The following LRRC3B variants were observed in gnomAD, a reference collection of about 807,000 sequenced individuals.
LRRC3B encodes the protein leucine rich repeat containing 3B, also known as leucine-rich repeat-containing protein 3B.
A neutral mutation model predicts 12.8 loss-of-function variants in LRRC3B; 2 were observed. That is an observed-to-expected ratio of 0.16 (90% CI 0.06 to 0.49). The LOEUF (loss-of-function observed/expected upper bound fraction) is 0.49. Ranked by LOEUF, LRRC3B falls within the 20% of genes least tolerant of loss-of-function variation. LRRC3B has a pLI of 0.96. For missense variants in LRRC3B, 189 were observed against 319.4 expected (o/e 0.59, Z 3.11); for synonymous variants, 132 against 122.0 (o/e 1.08, Z -0.54).
At chr3:26,707,394 TA>T (rs1233549227) in intron 1 of LRRC3B, among the ~76,000 whole-genome samples, 1 of 151,942 alleles carries the variant, frequency 6.6e-6, no homozygotes, top group Admixed American at 6.6e-5. Context: ...AATAAATAAA[TA>T]AAGCTGATAT....
At chr3:26,664,846 C>A (rs964590845) in intron 1 of LRRC3B, among the ~76,000 whole-genome samples, 5 of 151,828 alleles carry the variant, frequency 3.3e-5, no homozygotes, top group African/African-American at 1.2e-4. Flanking sequence ...TGACTCCCCA[C>A]GTGTCAGTGG....
At chr3:26,670,297 A>C (rs1158612616) in intron 1 of LRRC3B, among the ~76,000 whole-genome samples, 4 of 152,242 alleles carry the variant, frequency 2.6e-5, no homozygotes, top group Admixed American at 6.5e-5. Flanking sequence ...CAGACACATT[A>C]GTAGTATGTT....
chr3:26,623,773 T>G (rs1414329867), intron 1 of LRRC3B: 1 of 152,272 alleles, frequency 6.6e-6, no homozygotes, highest in East Asian at 1.9e-4. Context: ...TGGGAGTCAG[T>G]CCATCCTTGC....
chr3:26,705,485 G>A (rs1700564696), intron 1 of LRRC3B, among the ~76,000 whole-genome samples: 1 of 151,942 alleles, frequency 6.6e-6, no homozygotes, highest in African/African-American at 2.4e-5. Context: ...TCCCTTTAAT[G>A]GGTCTTATTC....
chr3:26,622,804 C>G (rs199830288), upstream of LRRC3B: 2 of 152,488 alleles, frequency 1.3e-5, no homozygotes, highest in East Asian at 3.9e-4. Flanking sequence ...CGATTTCCCT[C>G]TATTGACTGA....
intron 1 of LRRC3B, among the ~76,000 whole-genome samples, chr3:26,644,931 A>AATATACAC (rs1699110837): frequency 6.6e-6 from 1 of 152,194 alleles, no homozygotes; most frequent in South Asian, 2.1e-4. Context: ...GTAATATACA[A>AATATACAC]ATATACACAT....
At chr3:26,672,453 G>C (rs1699768036) in intron 1 of LRRC3B, among the ~76,000 whole-genome samples, 1 of 152,126 alleles carries the variant, frequency 6.6e-6, no homozygotes, top group African/African-American at 2.4e-5. Flanking sequence ...TCCAAAACAA[G>C]TGGCCCTTCA....
At chr3:26,689,873 C>G (rs1700155820) in intron 1 of LRRC3B, among the ~76,000 whole-genome samples, 1 of 152,216 alleles carries the variant, frequency 6.6e-6, no homozygotes, top group South Asian at 2.1e-4. Context: ...TCTTGCTCTG[C>G]TCTGTCCAGT....
chr3:26,674,035 T>A (rs1699807248), intron 1 of LRRC3B, among the ~76,000 whole-genome samples: 1 of 152,204 alleles, frequency 6.6e-6, no homozygotes, highest in Non-Finnish European at 1.5e-5. Context: ...TTGAACTAAG[T>A]CAACTTTGTG....
chr3:26,675,353 T>A (rs1575150697), intron 1 of LRRC3B, among the ~76,000 whole-genome samples: 1 of 152,208 alleles, frequency 6.6e-6, no homozygotes, highest in African/African-American at 2.4e-5. Flanking sequence ...GAGCTCTAGG[T>A]GCCACATGCC....
intron 1 of LRRC3B, among the ~76,000 whole-genome samples, chr3:26,677,561 G>C (rs958160042): frequency 6.6e-6 from 1 of 152,244 alleles, no homozygotes; most frequent in African/African-American, 2.4e-5. Context: ...CAGTGGGCCA[G>C]CTTGTTGGCG....
At chr3:26,634,249 T>C (rs570505592) in intron 1 of LRRC3B, among the ~76,000 whole-genome samples, 29 of 152,222 alleles carry the variant, frequency 1.9e-4, no homozygotes, top group Admixed American at 1.9e-3. Context: ...TTTTGGATGA[T>C]GGAGATGAAA....
chr3:26,667,716 A>G (rs1366748949), intron 1 of LRRC3B, among the ~76,000 whole-genome samples: 1 of 152,152 alleles, frequency 6.6e-6, no homozygotes, highest in Non-Finnish European at 1.5e-5. Flanking sequence ...TGGACAAAAC[A>G]TGGTCACATG....
chr3:26,673,009 C>T (rs1394409731), intron 1 of LRRC3B, among the ~76,000 whole-genome samples: 1 of 152,132 alleles, frequency 6.6e-6, no homozygotes, highest in Admixed American at 6.5e-5. Flanking sequence ...AATTTTACTC[C>T]ACTAGTCCAG....
intron 1 of LRRC3B, among the ~76,000 whole-genome samples, chr3:26,671,369 TATATAGAGAG>T (rs1408482241): frequency 1.7e-3 from 64 of 38,194 alleles, no homozygotes; most frequent in South Asian, 5.5e-3. Flanking sequence ...TATATATATA[TATATAGAGAG>T]AGAGAGAGAG....
intron 1 of LRRC3B, among the ~76,000 whole-genome samples, chr3:26,668,347 C>T (rs146666631): frequency 9.0e-4 from 137 of 152,112 alleles, no homozygotes; most frequent in African/African-American, 3.1e-3. Context: ...CTTAGTGGTG[C>T]AGGATCAGAA....
At position 26,630,576 on chromosome 3, in the gene LRRC3B, G is replaced by C. The variant is rs182054277; in HGVS notation, c.-161+7339G>C. 8.9e-4 allele frequency among the ~76,000 whole-genome samples: 136 copies of C among 152,296 alleles called. 1 individual carries two copies. The highest frequency in any genetic ancestry group is 3.1e-4 in the Non-Finnish European group (21 of 68,036). ...ATGCTACTATGAGATAACTGTGGCA[G>C]CTGTATTGTGATATGAAAATATTTA... is the stretch of plus-strand genomic sequence containing the variant. On this transcript the variant is annotated intron_variant, in intron 1 of 1. Coordinates refer to ENST00000396641, the Ensembl canonical transcript of LRRC3B.
At chr3:26,668,311 G>A (rs916801880) in intron 1 of LRRC3B, among the ~76,000 whole-genome samples, 2 of 152,128 alleles carry the variant, frequency 1.3e-5, no homozygotes, top group African/African-American at 4.8e-5. Context: ...TTACTTAAGG[G>A]AGTGATTGAT....
At chr3:26,676,804 C>A (rs1235373117) in intron 1 of LRRC3B, among the ~76,000 whole-genome samples, 1 of 152,158 alleles carries the variant, frequency 6.6e-6, no homozygotes, top group East Asian at 1.9e-4. Context: ...TTTCTTGAGG[C>A]ACTATTCACA....
Sources: gnomAD v4.1 joint callset for allele counts (sites outside exome capture counted in the v4.1 genomes callset) on GRCh38, gnomAD v4.1.1 for gene constraint, MANE v1.5 for transcripts, NCBI Gene and HGNC (gene_info 2026-07-23, HGNC 2026-07-21) for gene names.